The following EPHA6 variants were observed in gnomAD, a reference collection of about 807,000 sequenced individuals.
EPHA6 encodes ephrin type-A receptor 6.
A neutral mutation model predicts 112.0 loss-of-function variants in EPHA6; 50 were observed. The observed-to-expected ratio is 0.45, with a 90% CI of 0.36 to 0.56. The LOEUF is 0.56. Among genes scored for constraint, EPHA6 ranks in the 20% least tolerant of loss-of-function variants. EPHA6 has a pLI of 0.00. For missense variants in EPHA6, 1,280 were observed against 1,417.4 expected (o/e 0.90, Z 1.56); for synonymous variants, 529 against 490.7 (o/e 1.08, Z -1.03).
chr3:96,925,726 C>T (rs2040001823), intron 2 of EPHA6, among the ~76,000 whole-genome samples: 2 of 151,492 alleles, frequency 1.3e-5, no homozygotes, highest in African/African-American at 2.4e-5. Flanking sequence ...CTGCCTCAGT[C>T]TTCTGAGTAG....
intron 3 of EPHA6, among the ~76,000 whole-genome samples, chr3:97,115,684 A>G (rs2047865424): frequency 6.6e-6 from 1 of 151,764 alleles, no homozygotes; most frequent in Non-Finnish European, 1.5e-5. Flanking sequence ...TTGGGAATCC[A>G]TTATATTTTA....
At chr3:97,369,750 TAATC>T (rs1294050068) in intron 5 of EPHA6, among the ~76,000 whole-genome samples, 1 of 152,212 alleles carries the variant, frequency 6.6e-6, no homozygotes, top group Non-Finnish European at 1.5e-5. Flanking sequence ...TATATACTGA[TAATC>T]AATATATGTC....
chr3:97,267,242 T>C (rs75399399), intron 5 of EPHA6, among the ~76,000 whole-genome samples: 2,302 of 152,172 alleles, frequency 0.015, 50 homozygotes, highest in African/African-American at 0.051. Context: ...TCTCTTATTA[T>C]TTTTTTCCAA....
intron 14 of EPHA6, among the ~76,000 whole-genome samples, chr3:97,668,160 C>G (rs931167978): frequency 6.6e-6 from 1 of 152,204 alleles, no homozygotes. Flanking sequence ...GAGTTACCAA[C>G]TGCCCTCATA....
intron 12 of EPHA6, 69 bp downstream of exon 12, chr3:97,592,806 C>T: frequency 7.0e-7 from 1 of 1,428,834 alleles, no homozygotes; most frequent in Non-Finnish European, 9.3e-7. Flanking sequence ...GTTGATAGGC[C>T]CCAAATACAA....
intron 11 of EPHA6, among the ~76,000 whole-genome samples, chr3:97,547,757 C>G (rs1290742181): frequency 6.6e-6 from 1 of 152,186 alleles, no homozygotes; most frequent in Non-Finnish European, 1.5e-5. Flanking sequence ...AAACAACTAA[C>G]TCAGCAATGG....
chr3:97,471,420 T>A (rs536257497), intron 7 of EPHA6, among the ~76,000 whole-genome samples: 1 of 151,860 alleles, frequency 6.6e-6, no homozygotes, highest in African/African-American at 2.4e-5. Context: ...TGTTCATCAC[T>A]GTATACCCTG....
At chr3:97,226,242 G>A (rs1208209879) in intron 3 of EPHA6, 22 bp from the exon 4 acceptor site, 3 of 1,577,156 alleles carry the variant, frequency 1.9e-6, no homozygotes, top group Non-Finnish European at 2.6e-6. Context: ...AACTAAAAAA[G>A]TGTTTTTTTC....
chr3:97,484,071 A>G lies in EPHA6; in HGVS notation c.2200+12A>G. On this transcript the variant is annotated intron_variant, in intron 10 of 17. Transcript: ENST00000389672. ...AGTCATTGGGGCAGGTAAATGTCAA[A>G]TCTACACTTTTGAACAAAACATTCC... 1 of 1,595,226 alleles carries G rather than the reference A, an allele frequency of 6.3e-7. No individual in the cohort carries two copies.
At chr3:97,631,256 T>C (rs1300668913) in intron 13 of EPHA6, among the ~76,000 whole-genome samples, 1 of 152,012 alleles carries the variant, frequency 6.6e-6, no homozygotes, top group South Asian at 2.1e-4. Context: ...TCTTCAGAGA[T>C]GCCCATCTTT....
intron 3 of EPHA6, among the ~76,000 whole-genome samples, chr3:97,195,337 G>T (rs2077412383): frequency 6.6e-6 from 1 of 151,794 alleles, no homozygotes; most frequent in Non-Finnish European, 1.5e-5. Context: ...AACATTTTTT[G>T]CAAAAACAAG....
rs887014969 is a variant in EPHA6, at chr3:97,690,572, A to G, written c.2785-29689A>G. Among the ~76,000 whole-genome samples, 7 of 151,804 alleles carry G rather than the reference A, an allele frequency of 4.6e-5. No individual in the cohort carries two copies. In the East Asian group the frequency reaches 1.4e-3, roughly 29 times the overall value. On this transcript the variant is annotated intron_variant, in intron 14 of 17. Coordinates refer to ENST00000389672, the MANE Select transcript of EPHA6 (RefSeq NM_001080448.3). The stretch of plus-strand genomic sequence containing the variant: ...AACCTCCACCTCCTGGGTTCAAACG[A>G]TTCTCCTACCTCAGCCTCTTAAGTA...
At chr3:96,829,949 G>GCGCGCACACACACA (rs373416797) in intron 1 of EPHA6, among the ~76,000 whole-genome samples, 3 of 136,034 alleles carry the variant, frequency 2.2e-5, no homozygotes, top group African/African-American at 3.0e-5. Context: ...GCGCGCGCGC[G>GCGCGCACACACACA]CACACACACA....
intron 15 of EPHA6, among the ~76,000 whole-genome samples, chr3:97,730,439 TC>T (rs2034986041): frequency 6.6e-6 from 1 of 152,144 alleles, no homozygotes; most frequent in Non-Finnish European, 1.5e-5. Flanking sequence ...GCAGTCATTT[TC>T]ATATTTTTCA....
intron 14 of EPHA6, among the ~76,000 whole-genome samples, chr3:97,645,740 G>A (rs1427969058): frequency 6.6e-6 from 1 of 151,870 alleles, no homozygotes; most frequent in East Asian, 1.9e-4. Context: ...AAATTCCCTT[G>A]ATACGTATAT....
At chr3:97,309,776 A>G (rs2081470826) in intron 5 of EPHA6, among the ~76,000 whole-genome samples, 1 of 151,620 alleles carries the variant, frequency 6.6e-6, no homozygotes, top group Non-Finnish European at 1.5e-5. Context: ...ACAGAATGAG[A>G]CCCTGGGGAA....
At chr3:97,001,420 T>A (rs1436250022) in intron 3 of EPHA6, among the ~76,000 whole-genome samples, 1 of 151,942 alleles carries the variant, frequency 6.6e-6, no homozygotes, top group Non-Finnish European at 1.5e-5. Flanking sequence ...TTTGAGACAA[T>A]AGCTTTACAA....
At chr3:97,481,081 G>T in intron 9 of EPHA6, 1 of 481,692 alleles carries the variant, frequency 2.1e-6, no homozygotes, top group Non-Finnish European at 4.0e-6. Context: ...GGTGGCAGCG[G>T]GGCAGAGGCT....
chr3:97,706,242 A>G (rs2033668896), intron 14 of EPHA6, among the ~76,000 whole-genome samples: 1 of 152,190 alleles, frequency 6.6e-6, no homozygotes, highest in African/African-American at 2.4e-5. Flanking sequence ...GATCCCTGTC[A>G]TCCTTTTATT....
Sources: gnomAD v4.1 joint callset for allele counts (sites outside exome capture counted in the v4.1 genomes callset) on GRCh38, gnomAD v4.1.1 for gene constraint, MANE v1.5 for transcripts, NCBI Gene and HGNC (gene_info 2026-07-23, HGNC 2026-07-21) for gene names.